Variants in OPCML observed in about 807,000 individuals in gnomAD.
OPCML encodes opioid binding protein/cell adhesion molecule like, also known as opioid-binding protein/cell adhesion molecule.
A neutral mutation model predicts 37.8 loss-of-function variants in OPCML; 13 were observed. The observed-to-expected ratio is 0.34, with a 90% CI of 0.22 to 0.55. The LOEUF (loss-of-function observed/expected upper bound fraction) is 0.55, where lower values mean the gene tolerates loss of function less well. Among genes scored for constraint, OPCML ranks in the 20% least tolerant of loss-of-function variants. The probability of loss-of-function intolerance (pLI) is 0.91; values close to 1 mark genes in which losing one functional copy is unlikely to be tolerated. For synonymous variants in OPCML, 176 were observed against 168.8 expected, an observed-to-expected ratio of 1.04 and a Z score of -0.33; for missense variants, 341 against 435.6, an observed-to-expected ratio of 0.78 and a Z score of 1.93.
At chr11:132,531,340 C>A (rs1175086258) in intron 3 of OPCML, among the ~76,000 whole-genome samples, 1 of 152,190 alleles carries the variant, frequency 6.6e-6, no homozygotes, top group Admixed American at 6.5e-5. Flanking sequence ...AGGCTCCAAG[C>A]CTGCAGACAT....
At chr11:132,581,050 C>T (rs929981313) in intron 3 of OPCML, among the ~76,000 whole-genome samples, 2 of 152,186 alleles carry the variant, frequency 1.3e-5, no homozygotes, top group East Asian at 3.9e-4. Flanking sequence ...TCTGGAGCAA[C>T]AGCATTTTCA....
intron 2 of OPCML, among the ~76,000 whole-genome samples, chr11:132,820,670 A>G (rs1939926929): frequency 6.6e-6 from 1 of 152,178 alleles, no homozygotes; most frequent in African/African-American, 2.4e-5. Flanking sequence ...ATTTCCAGAA[A>G]TTGCTGAATT....
chr11:133,140,765 AAGAAG>A (rs1949774623), intron 1 of OPCML, among the ~76,000 whole-genome samples: 2 of 128,756 alleles, frequency 1.6e-5, no homozygotes, highest in African/African-American at 6.9e-5. Context: ...GAAGACGACG[AAGAAG>A]AAGAAGAAGA....
At position 132,539,148 on chromosome 11, in the gene OPCML, A is replaced by G. The variant is rs74817541; in HGVS notation, c.380-9962T>C. Among the ~76,000 whole-genome samples, 225 of 152,332 alleles carry G rather than the reference A, an allele frequency of 1.5e-3. 1 individual carries two copies. The highest frequency in any genetic ancestry group is 5.1e-3 in the African/African-American group (213 of 41,580). On this transcript the variant is annotated intron_variant, in intron 3 of 7. Transcript: ENST00000524381. Reference sequence around the variant, plus strand: ...GTAAATTATGGAGCTTAGTGTATAGAGGAGAACACTGACGCTGAAAAGTCA... The same window carrying G: ...GTAAATTATGGAGCTTAGTGTATAGGGGAGAACACTGACGCTGAAAAGTCA...
chr11:132,446,289 T>C (rs1380679704), intron 4 of OPCML, among the ~76,000 whole-genome samples: 1 of 148,112 alleles, frequency 6.8e-6, no homozygotes, highest in East Asian at 2.1e-4. Flanking sequence ...AAGTGCAGTA[T>C]GTGTGCCAGA....
chr11:132,436,820 C>T (rs754016747), intron 5 of OPCML, 41 bp from the exon 6 acceptor site: 74 of 1,597,252 alleles, frequency 4.6e-5, no homozygotes, highest in Non-Finnish European at 6.3e-5. Context: ...GGCATGCACG[C>T]ACGCACACAC....
chr11:133,374,521 T>G (rs1412458436), intron 1 of OPCML, among the ~76,000 whole-genome samples: 1 of 152,216 alleles, frequency 6.6e-6, no homozygotes, highest in Non-Finnish European at 1.5e-5. Flanking sequence ...GAAAATGCTG[T>G]GGGGAGCATT....
chr11:133,344,987 C>T (rs547103077), intron 1 of OPCML, among the ~76,000 whole-genome samples: 4 of 152,300 alleles, frequency 2.6e-5, no homozygotes, highest in South Asian at 4.1e-4. Context: ...GTGATTACAG[C>T]CTTAGGCTCT....
intron 1 of OPCML, among the ~76,000 whole-genome samples, chr11:133,092,867 A>G (rs916480901): frequency 6.6e-6 from 1 of 152,016 alleles, no homozygotes; most frequent in Non-Finnish European, 1.5e-5. Context: ...AGAGAGAGAG[A>G]GGATTTCTGG....
intron 1 of OPCML, among the ~76,000 whole-genome samples, chr11:132,947,961 T>C (rs769231085): frequency 2.0e-5 from 3 of 152,172 alleles, no homozygotes; most frequent in Admixed American, 6.5e-5. Flanking sequence ...TTGAGCACCA[T>C]GTCTGTCCTC....
intron 1 of OPCML, among the ~76,000 whole-genome samples, chr11:133,250,762 C>T (rs1317512489): frequency 6.6e-6 from 1 of 152,020 alleles, no homozygotes; most frequent in African/African-American, 2.4e-5. Flanking sequence ...GTAAAATGGG[C>T]ACCTAAAGGG....
rs559220749 is a variant in OPCML, at chr11:133,530,078, C to G, written c.61+2186G>C. Among the ~76,000 whole-genome samples, 26 of 152,340 alleles carry G rather than the reference C, an allele frequency of 1.7e-4. No homozygotes were observed. In the South Asian group the frequency reaches 5.2e-3, roughly 30 times the overall value. On this transcript the variant is annotated intron_variant, in intron 1 of 7. Coordinates refer to ENST00000524381, the MANE Select transcript of OPCML (RefSeq NM_001012393.5). ...GTGATGTCCACACCCTGCTCTCCCC[C>G]AGAAGATGGGGGCAGGGGGGTGGGG...
chr11:132,834,415 C>T (rs1421355543), intron 2 of OPCML, among the ~76,000 whole-genome samples: 1 of 152,226 alleles, frequency 6.6e-6, no homozygotes, highest in Non-Finnish European at 1.5e-5. Flanking sequence ...TGTCACAAAG[C>T]ACCATCAACT....
intron 1 of OPCML, among the ~76,000 whole-genome samples, chr11:133,382,723 G>A (rs1048864274): frequency 3.9e-5 from 6 of 152,100 alleles, no homozygotes; most frequent in Admixed American, 6.5e-5. Flanking sequence ...AGCAGGCAAC[G>A]AGGGCTTTTC....
intron 2 of OPCML, among the ~76,000 whole-genome samples, chr11:132,929,786 A>C (rs1945135011): frequency 6.6e-6 from 1 of 152,320 alleles, no homozygotes; most frequent in African/African-American, 2.4e-5. Flanking sequence ...AACCAGTTGA[A>C]GGAAAAAACA....
chr11:132,563,138 A>C (rs11223123), intron 3 of OPCML, among the ~76,000 whole-genome samples: 67,256 of 151,940 alleles, frequency 0.44, 15,287 homozygotes, highest in African/African-American at 0.49. Flanking sequence ...CACATTATTA[A>C]TTTAAGCCAT....
chr11:132,782,915 G>GTATA (rs1331827550), intron 2 of OPCML, among the ~76,000 whole-genome samples: 2 of 85,728 alleles, frequency 2.3e-5, no homozygotes, highest in Non-Finnish European at 4.9e-5. Flanking sequence ...TATATAGTGT[G>GTATA]TGTATATATA....
intron 2 of OPCML, among the ~76,000 whole-genome samples, chr11:132,931,773 A>G (rs1184169366): frequency 1.3e-5 from 2 of 152,224 alleles, no homozygotes; most frequent in Admixed American, 6.5e-5. Context: ...AATTAAACAT[A>G]CAATTACCAT....
At chr11:132,978,701 C>T (rs916384908) in intron 1 of OPCML, among the ~76,000 whole-genome samples, 1 of 152,076 alleles carries the variant, frequency 6.6e-6, no homozygotes, top group East Asian at 1.9e-4. Context: ...TCTCCATGTT[C>T]CCCCTTGGAG....
Sources: gnomAD v4.1 joint callset for allele counts (sites outside exome capture counted in the v4.1 genomes callset) on GRCh38, gnomAD v4.1.1 for gene constraint, MANE v1.5 for transcripts, NCBI Gene and HGNC (gene_info 2026-07-23, HGNC 2026-07-21) for gene names.